The following RSPH14 variants were observed in gnomAD, a reference collection of about 807,000 sequenced individuals.
RSPH14 encodes the protein rhabdoid tumor deletion region gene 1.
A neutral mutation model predicts 26.7 loss-of-function variants in RSPH14; 20 were observed. That is an observed-to-expected ratio of 0.75 (90% CI 0.53 to 1.09). The LOEUF (loss-of-function observed/expected upper bound fraction) is 1.09. RSPH14 is among the 50% of genes least tolerant of loss of function. The pLI, the probability that RSPH14 is intolerant of heterozygous loss-of-function variation, is 0.00. For missense variants in RSPH14, 449 were observed against 457.2 expected, an observed-to-expected ratio of 0.98 and a Z score of 0.16; for synonymous variants, 177 against 189.3, an observed-to-expected ratio of 0.93 and a Z score of 0.53.
chr22:23,166,457 G>A, the RSPH14 span, among the ~76,000 whole-genome samples: 1 of 151,658 alleles, frequency 6.6e-6, no homozygotes. Context: ...CAAAGCAAGG[G>A]CTTTCTCCCT....
chr22:23,172,448 G>A, the RSPH14 span, among the ~76,000 whole-genome samples: 4 of 151,566 alleles, frequency 2.6e-5, no homozygotes, highest in African/African-American at 9.7e-5. Context: ...AGGTGCAGTG[G>A]CTCAGCCTGT....
At chr22:23,146,829 G>A, upstream of RSPH14, 1 of 1,409,598 alleles carries the variant, frequency 7.1e-7, no homozygotes, top group Non-Finnish European at 9.3e-7. Flanking sequence ...CTGGGAGACT[G>A]GTCACTGACT....
At chr22:23,163,211 A>G in the RSPH14 span, 78,125 of 153,158 alleles carry the variant, frequency 0.51, 19,991 homozygotes, top group East Asian at 0.65. Context: ...ATGCCCGGCC[A>G]TAAATGATTT....
chr22:23,129,703 T>C (rs1010502935), intron 4 of RSPH14, among the ~76,000 whole-genome samples: 1 of 150,616 alleles, frequency 6.6e-6, no homozygotes, highest in Admixed American at 6.6e-5. Flanking sequence ...AGGAGGATCG[T>C]GAGGTCAGGA....
At chr22:23,159,101 T>G in the RSPH14 span, 66 of 1,591,072 alleles carry the variant, frequency 4.1e-5, no homozygotes, top group Middle Eastern at 3.3e-4. Flanking sequence ...CAGCTGCCTA[T>G]CCCCCTGGGC....
At chr22:23,176,199 C>T in the RSPH14 span, among the ~76,000 whole-genome samples, 5 of 152,240 alleles carry the variant, frequency 3.3e-5, no homozygotes, top group Non-Finnish European at 5.9e-5. Context: ...TTGCCTGTTG[C>T]AGTCACCATC....
At chr22:23,128,948 A>T (rs2146420909) in intron 4 of RSPH14, among the ~76,000 whole-genome samples, 1 of 152,326 alleles carries the variant, frequency 6.6e-6, no homozygotes, top group East Asian at 1.9e-4. Flanking sequence ...ATAGGAAACC[A>T]TACCAATGGC....
chr22:23,159,025 C>T, the RSPH14 span: 1 of 1,597,552 alleles, frequency 6.3e-7, no homozygotes, highest in Non-Finnish European at 8.6e-7. Flanking sequence ...TGGGAAAATG[C>T]CTCCCCTTAC....
the RSPH14 span, chr22:23,155,855 A>C: frequency 1.1e-6 from 1 of 901,980 alleles, no homozygotes; most frequent in Non-Finnish European, 1.6e-6. Flanking sequence ...AAGCCCATGC[A>C]GCTGGCACAG....
chr22:23,151,488 CTG>C, the RSPH14 span, among the ~76,000 whole-genome samples: 3 of 152,222 alleles, frequency 2.0e-5, no homozygotes, highest in Non-Finnish European at 4.4e-5. Context: ...TGCCCTCTTG[CTG>C]TCTGCAGGCA....
At chr22:23,069,817 G>C (rs559019881) in intron 4 of RSPH14, among the ~76,000 whole-genome samples, 2 of 152,156 alleles carry the variant, frequency 1.3e-5, no homozygotes, top group African/African-American at 4.8e-5. Flanking sequence ...CGTTCTGAAG[G>C]ATTGGTGAGA....
upstream of RSPH14, chr22:23,145,608 A>T (rs1038700000): frequency 1.0e-5 from 16 of 1,541,672 alleles, no homozygotes; most frequent in Admixed American, 2.3e-4. Flanking sequence ...CCGTGCTGGC[A>T]CATCCCGAGG....
chr22:23,135,305 G>A (rs953949501), intron 3 of RSPH14, among the ~76,000 whole-genome samples: 16 of 116,232 alleles, frequency 1.4e-4, no homozygotes, highest in Non-Finnish European at 1.7e-5. Context: ...AACCCCGCCT[G>A]TACTAAAAAT....
At chr22:23,125,055 T>C (rs1178174057) in intron 4 of RSPH14, 1 of 152,220 alleles carries the variant, frequency 6.6e-6, no homozygotes, top group Non-Finnish European at 1.5e-5. Context: ...CCCAGTGTGC[T>C]ATGTGTGTAG....
intron 6 of RSPH14, among the ~76,000 whole-genome samples, chr22:23,060,720 G>A (rs1426420847): frequency 5.3e-5 from 8 of 152,206 alleles, no homozygotes; most frequent in Admixed American, 4.6e-4. Flanking sequence ...CCTTCCCAGA[G>A]GCGACTTGTC....
intron 6 of RSPH14, among the ~76,000 whole-genome samples, chr22:23,061,495 A>G (rs1425982825): frequency 6.6e-6 from 1 of 152,142 alleles, no homozygotes; most frequent in East Asian, 1.9e-4. Context: ...CAAACTAATC[A>G]ACCCTTGAGT....
intron 6 of RSPH14, among the ~76,000 whole-genome samples, chr22:23,060,411 A>G (rs2068069117): frequency 6.6e-6 from 1 of 151,798 alleles, no homozygotes; most frequent in Non-Finnish European, 1.5e-5. Context: ...CGGAGCTTGC[A>G]GTGAGCCAAG....
chr22:23,123,702 A>G, intron 4 of RSPH14: 1 of 479,980 alleles, frequency 2.1e-6, no homozygotes, highest in East Asian at 3.6e-5. Flanking sequence ...AGACTTGAGA[A>G]GCTGTCACAA....
intron 4 of RSPH14, among the ~76,000 whole-genome samples, chr22:23,112,291 GA>G (rs2069678608): frequency 6.6e-6 from 1 of 152,224 alleles, no homozygotes; most frequent in Non-Finnish European, 1.5e-5. Flanking sequence ...GGAAGCAGAA[GA>G]GGCATCCTTC....
Sources: allele counts gnomAD v4.1 joint callset (sites outside exome capture counted in the v4.1 genomes callset), GRCh38; gene constraint gnomAD v4.1.1; transcripts MANE v1.5; gene names NCBI Gene and HGNC (gene_info 2026-07-23, HGNC 2026-07-21).